Variants in MCC observed in about 807,000 individuals in gnomAD.
The protein encoded by MCC is colorectal mutant cancer protein.
In MCC, 90 loss-of-function variants were observed where a neutral mutation model predicts 116.2. The observed-to-expected ratio is 0.77, with a 90% CI of 0.65 to 0.92. The LOEUF (loss-of-function observed/expected upper bound fraction) is 0.92, where lower values mean the gene tolerates loss of function less well. Ranked by LOEUF, MCC falls within the 40% of genes least tolerant of loss-of-function variation. The pLI is 0.00. For synonymous variants in MCC, 578 were observed against 510.5 expected, an observed-to-expected ratio of 1.13 and a Z score of -1.78; for missense variants, 1,516 against 1,312.2, an observed-to-expected ratio of 1.16 and a Z score of -2.40.
At chr5:113,194,990 G>A (rs192408477) in intron 3 of MCC, among the ~76,000 whole-genome samples, 1 of 152,318 alleles carries the variant, frequency 6.6e-6, no homozygotes, top group East Asian at 1.9e-4. Flanking sequence ...TGGGAGCAGT[G>A]ATGTTTAACT....
chr5:113,272,684 C>T (rs1348761559), intron 3 of MCC, among the ~76,000 whole-genome samples: 1 of 152,136 alleles, frequency 6.6e-6, no homozygotes, highest in East Asian at 1.9e-4. Flanking sequence ...ACACCAGTAA[C>T]AAAACATAAT....
chr5:113,047,988 CG>C (rs1752222136), intron 16 of MCC, among the ~76,000 whole-genome samples: 1 of 152,162 alleles, frequency 6.6e-6, no homozygotes, highest in Non-Finnish European at 1.5e-5. Flanking sequence ...CACCCTGTGA[CG>C]GTAGCAACGC....
intron 1 of MCC, among the ~76,000 whole-genome samples, chr5:113,457,488 G>A (rs190453): frequency 0.37 from 55,938 of 152,034 alleles, 12,919 homozygotes; most frequent in East Asian, 0.7. Flanking sequence ...CCTGCTCCAC[G>A]GCACCCAGTC....
At chr5:113,073,470 C>T (rs143850139) in intron 11 of MCC, among the ~76,000 whole-genome samples, 15 of 152,310 alleles carry the variant, frequency 9.8e-5, no homozygotes, top group African/African-American at 9.6e-5. Context: ...AATTACACTT[C>T]GAATAAAGAG....
intron 1 of MCC, among the ~76,000 whole-genome samples, chr5:113,474,724 A>C (rs1772191405): frequency 6.6e-6 from 1 of 152,188 alleles, no homozygotes; most frequent in Non-Finnish European, 1.5e-5. Flanking sequence ...TAGCTTAGGA[A>C]ACCAAAAAGG....
intron 8 of MCC, among the ~76,000 whole-genome samples, chr5:113,087,544 G>A (rs1010043735): frequency 6.6e-6 from 1 of 152,196 alleles, no homozygotes; most frequent in African/African-American, 2.4e-5. Context: ...TGGGCAAAGA[G>A]AGAGGGCTCA....
intron 5 of MCC, among the ~76,000 whole-genome samples, chr5:113,140,889 G>C (rs1270825965): frequency 1.3e-5 from 2 of 152,186 alleles, no homozygotes; most frequent in East Asian, 1.9e-4. Context: ...AGCATATTAA[G>C]AGCTGAGACT....
chr5:113,398,560 A>G (rs1379721429), intron 1 of MCC, among the ~76,000 whole-genome samples: 1 of 152,218 alleles, frequency 6.6e-6, no homozygotes, highest in East Asian at 1.9e-4. Context: ...CCATTAACCC[A>G]AGTGAATTAA....
chr5:113,333,337 TAC>T (rs1271156849), intron 3 of MCC, among the ~76,000 whole-genome samples: 2 of 151,728 alleles, frequency 1.3e-5, no homozygotes, highest in Non-Finnish European at 2.9e-5. Flanking sequence ...AGCATGATAA[TAC>T]ACAGTTTTAA....
At position 113,311,635 on chromosome 5, in the gene MCC, T is replaced by A. The variant is rs368545589; in HGVS notation, c.627+28884A>T. The stretch of plus-strand genomic sequence containing the variant: ...ATAGTCTTTTAAAATTACACAACAT[T>A]GTTGTGGCAACAGATAACTGACACA... On this transcript the variant is annotated intron_variant, in intron 3 of 18. Coordinates refer to ENST00000408903, the MANE Select transcript of MCC (RefSeq NM_001085377.2). 2.6e-5 allele frequency among the ~76,000 whole-genome samples: 4 copies of A among 152,210 alleles called. No individual in the cohort carries two copies. In the East Asian group the frequency reaches 7.7e-4, roughly 29 times the overall value.
chr5:113,210,060 C>T (rs1160464032), intron 3 of MCC, among the ~76,000 whole-genome samples: 1 of 152,116 alleles, frequency 6.6e-6, no homozygotes, highest in Non-Finnish European at 1.5e-5. Context: ...CTCACCGCAG[C>T]CATAATGTGA....
intron 4 of MCC, among the ~76,000 whole-genome samples, chr5:113,147,430 G>A (rs1368611148): frequency 2.0e-5 from 3 of 152,084 alleles, no homozygotes; most frequent in African/African-American, 4.8e-5. Context: ...TTACTCCACC[G>A]AGGCCACTGA....
At chr5:113,049,029 GT>G (rs767545682) in intron 16 of MCC, 63 bp downstream of exon 16, 3 of 866,950 alleles carry the variant, frequency 3.5e-6, no homozygotes, top group Admixed American at 6.2e-5. Flanking sequence ...GTGGCCAGTG[GT>G]CACTGGGCAG....
chr5:113,488,107 C>G, intron 1 of MCC, 138 bp downstream of exon 1: 1 of 877,294 alleles, frequency 1.1e-6, no homozygotes, highest in Non-Finnish European at 1.6e-6. Context: ...GCTACGCGCT[C>G]TCGGAGTCGC....
intron 3 of MCC, among the ~76,000 whole-genome samples, chr5:113,297,778 G>T (rs1766752262): frequency 6.9e-6 from 1 of 144,816 alleles, no homozygotes; most frequent in South Asian, 2.2e-4. Context: ...AAAAAAAGAA[G>T]GGACAATGGA....
In MCC at chr5:113,071,176, T is replaced by C. The variant is rs1203440231; in HGVS notation, c.1843A>G (p.Lys615Glu). Reference protein sequence around the residue: ...DLLTITLEECKSNAERMSMLV... With the variant: ...DLLTITLEECESNAERMSMLV... Reference sequence around the variant, plus strand: ...ATGCTCATCCTCTCGGCATTGCTTTTACATTCCTCCAAGGTTATGGTCAGG... The same window carrying C: ...ATGCTCATCCTCTCGGCATTGCTTTCACATTCCTCCAAGGTTATGGTCAGG... The change falls in exon 12 of 19, where the codon AAA becomes GAA. Residue 615 changes from lysine (K) to glutamate (E), a missense_variant. Lys to Glu is a moderately conservative substitution (Grantham distance 56, BLOSUM62 1). Transcript: ENST00000408903. 1 of 1,614,098 alleles carries C rather than the reference T, an allele frequency of 6.2e-7. No individual in the cohort carries two copies. The highest frequency in any genetic ancestry group is 8.5e-7 in the Non-Finnish European group (1 of 1,180,046).
At chr5:113,082,361 A>G (rs1754920215) in intron 11 of MCC, among the ~76,000 whole-genome samples, 1 of 152,236 alleles carries the variant, frequency 6.6e-6, no homozygotes, top group African/African-American at 2.4e-5. Context: ...GAATGGCTCT[A>G]CCAGATTGCC....
chr5:113,058,129 C>T (rs1179618174), intron 14 of MCC, among the ~76,000 whole-genome samples: 1 of 152,168 alleles, frequency 6.6e-6, no homozygotes, highest in Non-Finnish European at 1.5e-5. Context: ...CCACAAGACA[C>T]TGAGGTATAT....
chr5:113,071,205 T>G lies in MCC; in HGVS notation c.1814A>C (p.Asp605Ala). 1.2e-6 allele frequency: 2 copies of G among 1,613,982 alleles called. No individual in the cohort carries two copies. Among genetic ancestry groups the G allele is most frequent in the African/African-American group, 2.7e-5 (2 of 74,994 alleles). ...SRIEHLKSQN[D>A]LLTITLEECK... is the part of the protein sequence containing the mutation. ...TTCCTCCAAGGTTATGGTCAGGAGG[T>G]CATTTTGGGATTTGAGGTGCTCAAT... The change falls in exon 12 of 19, where the codon GAC becomes GCC. Residue 605 changes from aspartate (D) to alanine (A), a missense_variant. By Grantham distance (126) the Asp-to-Ala change is moderately radical. Coordinates refer to ENST00000408903, the MANE Select transcript of MCC (RefSeq NM_001085377.2).
Sources: gnomAD v4.1 joint callset for allele counts (sites outside exome capture counted in the v4.1 genomes callset) on GRCh38, gnomAD v4.1.1 for gene constraint, MANE v1.5 for transcripts, NCBI Gene and HGNC (gene_info 2026-07-23, HGNC 2026-07-21) for gene names.